SLC52A1: variants seen among roughly 807,000 people sequenced by gnomAD.
SLC52A1 encodes the protein solute carrier family 52 member 1.
SLC52A1 carries 20 observed loss-of-function variants against 23.2 expected under a neutral mutation model. That is an observed-to-expected ratio of 0.86 (90% CI 0.61 to 1.25). The LOEUF is 1.25. Among genes scored for constraint, SLC52A1 ranks in the 50% most tolerant of loss-of-function variants. The probability of loss-of-function intolerance (pLI) is 0.00; values close to 1 mark genes in which losing one functional copy is unlikely to be tolerated. For synonymous variants in SLC52A1, 260 were observed against 256.6 expected (o/e 1.01, Z -0.13); for missense variants, 528 against 557.0 (o/e 0.95, Z 0.52).
At chr17:5,041,463 CTTTGTTTTGT>C (rs990010701) in intron 1 of SLC52A1, among the ~76,000 whole-genome samples, 1 of 146,718 alleles carries the variant, frequency 6.8e-6, no homozygotes, top group African/African-American at 2.5e-5. Context: ...TTTTTTGTTT[CTTTGTTTTGT>C]TTTATTTTGT....
At chr17:5,042,414 T>A (rs746429470) in intron 1 of SLC52A1, among the ~76,000 whole-genome samples, 1 of 152,208 alleles carries the variant, frequency 6.6e-6, no homozygotes, top group African/African-American at 2.4e-5. Flanking sequence ...CAGGAACACC[T>A]GGCCTCAGAG....
chr17:5,032,757 C>A lies in SLC52A1; in HGVS notation c.*200G>T. On this transcript the variant is annotated 3_prime_UTR_variant, in exon 5 of 5. Transcript: ENST00000254853. ...TCAGGCCCTGGGTCCAAGCCCACAG[C>A]CCCAACCTGTCCCCTGGCTCTGGGC... 1.7e-6 allele frequency: 1 copy of A among 590,224 alleles called. No individual in the cohort carries two copies. Among genetic ancestry groups the A allele is most frequent in the East Asian group, 2.8e-5 (1 of 35,884 alleles). 36.6% of individuals were successfully genotyped at this position (590,224 alleles called of 1,614,324 possible). A position where few individuals can be genotyped will look rare whatever the true frequency, so the allele number is the denominator to read the frequency against.
intron 4 of SLC52A1, 33 bp downstream of exon 4, chr17:5,033,228 C>A: frequency 6.2e-7 from 1 of 1,612,512 alleles, no homozygotes; most frequent in Non-Finnish European, 8.5e-7. Flanking sequence ...CAGGGGACAC[C>A]CTCCTCCCCA....
chr17:5,033,279 A>G lies in SLC52A1; in HGVS notation c.1116T>C (p.Thr372=). 1 of 1,614,116 alleles carries G rather than the reference A, an allele frequency of 6.2e-7. No individual in the cohort carries two copies. The highest frequency in any genetic ancestry group is 8.5e-7 in the Non-Finnish European group (1 of 1,179,986). ...LSPCPPLVGT[T]AGVVLVVLSW... Reference sequence around the variant, plus strand: ...TGCTCACCACAAGGACCACCCCTGCAGTGGTGCCCACCAGGGGTGGGCAGG... The same window carrying G: ...TGCTCACCACAAGGACCACCCCTGCGGTGGTGCCCACCAGGGGTGGGCAGG... The change falls in exon 4 of 5, where the codon ACT becomes ACC. Residue 372 remains threonine, a synonymous_variant. Transcript: ENST00000254853.
rs564592833 is a variant in SLC52A1, at chr17:5,033,522, C to T, written c.967G>A (p.Ala323Thr). The T allele has an allele frequency of 2.9e-5, 46 of 1,612,558 alleles. No individual in the cohort carries two copies. The highest frequency in any genetic ancestry group is 3.5e-5 in the Non-Finnish European group (41 of 1,179,442). Residue 323 changes from alanine (A) to threonine (T), a missense_variant, in exon 3 of 5, where the codon GCC (alanine) becomes ACC (threonine). Coordinates refer to ENST00000254853, the MANE Select transcript of SLC52A1 (RefSeq NM_017986.4). The stretch of plus-strand genomic sequence containing the variant: ...GCCAGGAAGCAGGCAAGGGGGTTGG[C>T]GGCACTGCCCAGCACCACAGCCAGG... ...YHLAVVLGSA[A>T]NPLACFLAMG...
chr17:5,032,921 C>A lies in SLC52A1; in HGVS notation c.*36G>T. On this transcript the variant is annotated 3_prime_UTR_variant, in exon 5 of 5. Coordinates refer to ENST00000254853, the MANE Select transcript of SLC52A1 (RefSeq NM_017986.4). ...CACTGTGGCAGCCTCACGATGAAGA[C>A]AGGTGGGGTGGAGTTGGGTCCCCAC... is the stretch of plus-strand genomic sequence containing the variant. The A allele has an allele frequency of 1.3e-6, 2 of 1,583,142 alleles. No homozygotes were observed. The highest frequency in any genetic ancestry group is 2.2e-5 in the East Asian group (1 of 44,452).
chr17:5,034,119 C>T lies in SLC52A1; in HGVS notation c.370G>A (p.Ala124Thr), dbSNP rs140348114. The change falls in exon 3 of 5, where the codon GCC (alanine) becomes ACC (threonine). Residue 124 changes from alanine (A) to threonine (T), a missense_variant. Transcript: ENST00000254853. ...AAAGTGACATTAGAGGTACAACAGG[C>T]CATTGCCAACACCAAGGCCAGAGTT... ...FLTLALVLAM[A>T]CCTSNVTFLP... 2 of 1,614,206 alleles carry T rather than the reference C, an allele frequency of 1.2e-6. No homozygotes were observed. The highest frequency in any genetic ancestry group is 1.7e-6 in the Non-Finnish European group (2 of 1,180,026).
At chr17:5,036,481 G>A (rs1007168943), upstream of SLC52A1, among the ~76,000 whole-genome samples, 2 of 137,570 alleles carry the variant, frequency 1.5e-5, no homozygotes, top group South Asian at 2.5e-4. Context: ...GCGCGATCTC[G>A]GCTCACTGCA....
At chr17:5,039,984 G>A (rs56713261), upstream of SLC52A1, among the ~76,000 whole-genome samples, 2,944 of 152,276 alleles carry the variant, frequency 0.019, 89 homozygotes, top group African/African-American at 0.067. Context: ...GGGAGTCAAG[G>A]AGCCGGCTAT....
Position 5,034,684 on chromosome 17 carries a change from T to C in SLC52A1, c.-78A>G. 6.4e-7 allele frequency: 1 copy of C among 1,572,044 alleles called. No homozygotes were observed. The stretch of plus-strand genomic sequence containing the variant: ...TCCCTAGGTAGGTCCAAAGATGCTT[T>C]GGTTCTTCTGGAAACTGAAGACCTT... On this transcript the variant is annotated 5_prime_UTR_variant, in exon 2 of 5. Coordinates refer to ENST00000254853, the MANE Select transcript of SLC52A1 (RefSeq NM_017986.4).
At chr17:5,040,388 G>A (rs1349888952), upstream of SLC52A1, among the ~76,000 whole-genome samples, 1 of 152,040 alleles carries the variant, frequency 6.6e-6, no homozygotes, top group African/African-American at 2.4e-5. Flanking sequence ...TGCATAGGCT[G>A]CTCCCAAACT....
chr17:5,036,193 T>C (rs529555830), upstream of SLC52A1, among the ~76,000 whole-genome samples: 123 of 149,088 alleles, frequency 8.3e-4, no homozygotes, highest in Non-Finnish European at 1.5e-3. Flanking sequence ...CACCATGCCC[T>C]GCTAATTTTT....
chr17:5,033,929 A>G lies in SLC52A1; in HGVS notation c.560T>C (p.Phe187Ser). Residue 187 changes from phenylalanine (F) to serine (S), a missense_variant, in exon 3 of 5, where the codon TTC becomes TCC. By Grantham distance (155) the Phe-to-Ser change is radical (BLOSUM62 -2). Coordinates refer to ENST00000254853, the MANE Select transcript of SLC52A1 (RefSeq NM_017986.4). ...TNGTSGPPLD[F>S]PERFPASTFF... is the part of the protein sequence containing the mutation. ...GGTGCTGGCAGGAAAACGCTCAGGG[A>G]AGTCGAGGGGAGGCCCAGAGGTGCC... 1 of 1,614,142 alleles carries G rather than the reference A, an allele frequency of 6.2e-7. No homozygotes were observed. Among genetic ancestry groups the G allele is most frequent in the Non-Finnish European group, 8.5e-7 (1 of 1,180,016 alleles).
Position 5,033,373 on chromosome 17 carries a change from C to G in SLC52A1, c.1022G>C (p.Gly341Ala), listed in dbSNP as rs781539840. The G allele has an allele frequency of 1.2e-6, 2 of 1,614,040 alleles. No homozygotes were observed. Among genetic ancestry groups the G allele is most frequent in the African/African-American group, 2.7e-5 (2 of 74,930 alleles). Residue 341 changes from glycine (G) to alanine (A), a missense_variant, in exon 4 of 5, where the codon GGG becomes GCG. Coordinates refer to ENST00000254853, the MANE Select transcript of SLC52A1 (RefSeq NM_017986.4). ...GCCCAGCAGAGAAAGACCAACCAGC[C>G]CTGCCAGGGACCTGTTGGGGATGAG... The part of the protein sequence containing the change: ...AMGVLCRSLA[G>A]LVGLSLLGML...
chr17:5,040,322 C>T (rs1975528648), upstream of SLC52A1, among the ~76,000 whole-genome samples: 1 of 151,998 alleles, frequency 6.6e-6, no homozygotes, highest in Non-Finnish European at 1.5e-5. Flanking sequence ...CACAGGTGTG[C>T]ACCACCACAC....
At chr17:5,040,469 T>C (rs1236505515) in intron 1 of SLC52A1, among the ~76,000 whole-genome samples, 1 of 152,122 alleles carries the variant, frequency 6.6e-6, no homozygotes, top group Non-Finnish European at 1.5e-5. Flanking sequence ...CCACCGTTCC[T>C]AGTCCAAATT....
At chr17:5,038,054 G>A (rs543341167), upstream of SLC52A1, among the ~76,000 whole-genome samples, 31 of 151,608 alleles carry the variant, frequency 2.0e-4, no homozygotes, top group East Asian at 6.0e-3. Flanking sequence ...GAGTAGCTGG[G>A]ACTACAGGCG....
chr17:5,033,762 C>T lies in SLC52A1; in HGVS notation c.727G>A (p.Glu243Lys). ...AAAGCCTCTTCTTCCTCCTTCTCTT[C>T]CTCCTCTGCTCCTGGGGATCCCAGT... The part of the protein sequence containing the change: ...LQLGSPGAEE[E>K]EKEEEEALPL... Residue 243 changes from glutamate (E) to lysine (K), a missense_variant, in exon 3 of 5, where the codon GAA becomes AAA. Physicochemically the swap from Glu to Lys is moderately conservative, Grantham distance 56 (BLOSUM62 1). Transcript: ENST00000254853. 1 of 1,614,250 alleles carries T rather than the reference C, an allele frequency of 6.2e-7. No homozygotes were observed.
rs773288096 is a variant in SLC52A1, at chr17:5,033,285, G to A, written c.1110C>T (p.Gly370=). ...AILSPCPPLV[G]TTAGVVLVVL... The stretch of plus-strand genomic sequence containing the variant: ...CCACAAGGACCACCCCTGCAGTGGT[G>A]CCCACCAGGGGTGGGCAGGGGCTCA... Residue 370 remains glycine (G), a synonymous_variant, in exon 4 of 5, where the codon GGC becomes GGT. Coordinates refer to ENST00000254853, the MANE Select transcript of SLC52A1 (RefSeq NM_017986.4). 2 of 1,614,104 alleles carry A rather than the reference G, an allele frequency of 1.2e-6. No individual in the cohort carries two copies. The highest frequency in any genetic ancestry group is 2.2e-5 in the East Asian group (1 of 44,874).
Sources: gnomAD v4.1 joint callset for allele counts (sites outside exome capture counted in the v4.1 genomes callset) on GRCh38, gnomAD v4.1.1 for gene constraint, MANE v1.5 for transcripts, NCBI Gene and HGNC (gene_info 2026-07-23, HGNC 2026-07-21) for gene names.